Variants in ARHGEF9 observed in about 807,000 individuals in gnomAD.
ARHGEF9 encodes the protein Cdc42 guanine nucleotide exchange factor 9.
In ARHGEF9, 2 loss-of-function variants were observed where a neutral mutation model predicts 41.3. That is an observed-to-expected ratio of 0.05 (90% CI 0.02 to 0.15). The LOEUF is 0.15. Among genes scored for constraint, ARHGEF9 ranks in the 10% least tolerant of loss-of-function variants. The probability of loss-of-function intolerance (pLI) is 1.00; values close to 1 mark genes in which losing one functional copy is unlikely to be tolerated. For synonymous variants in ARHGEF9, 160 were observed against 154.4 expected (o/e 1.04, Z -0.27); for missense variants, 225 against 424.7 (o/e 0.53, Z 4.13).
chrX:63,699,961 T>C (rs782340992), intron 3 of ARHGEF9, among the ~76,000 whole-genome samples: 4 of 112,265 alleles, frequency 3.6e-5, no homozygotes, highest in African/African-American at 1.3e-4. Context: ...TTCTGGCTGG[T>C]TTTTGTTCCT....
intron 1 of ARHGEF9, among the ~76,000 whole-genome samples, chrX:63,778,513 G>T (rs2056330459): frequency 8.9e-6 from 1 of 112,422 alleles, no homozygotes; most frequent in Admixed American, 9.4e-5. Context: ...TCTGCAGCCA[G>T]CTTCAATTTC....
intron 1 of ARHGEF9, among the ~76,000 whole-genome samples, chrX:63,756,705 T>C (rs1362183189): frequency 1.8e-5 from 2 of 112,474 alleles, no homozygotes; most frequent in Non-Finnish European, 3.8e-5. Context: ...TTATAGCAAG[T>C]AATAGTCAAA....
At position 63,738,226 on chromosome X, in the gene ARHGEF9, C is replaced by T. The variant is rs1454352582; in HGVS notation, c.31-13515G>A. Reference sequence around the variant, plus strand: ...ACAGAACAATATGTGTTGTATATTACCATAAAAAAGAGAAAGAGGAATATA... The same window carrying T: ...ACAGAACAATATGTGTTGTATATTATCATAAAAAAGAGAAAGAGGAATATA... On this transcript the variant is annotated intron_variant, in intron 1 of 9. Transcript: ENST00000671741. 1.3e-4 allele frequency among the ~76,000 whole-genome samples: 15 copies of T among 111,396 alleles called. No individual in the cohort carries two copies. The East Asian group carries it at 3.4e-3, about 25-fold the overall frequency.
chrX:63,692,510 T>C (rs2051420156), intron 4 of ARHGEF9, among the ~76,000 whole-genome samples: 1 of 112,228 alleles, frequency 8.9e-6, no homozygotes, highest in South Asian at 3.7e-4. Context: ...CACAAGGACA[T>C]ATCATCTCAC....
At chrX:63,658,683 ATAAACT>A (rs1200578994) in intron 7 of ARHGEF9, among the ~76,000 whole-genome samples, 1 of 111,979 alleles carries the variant, frequency 8.9e-6, no homozygotes, top group African/African-American at 3.2e-5. Flanking sequence ...CCCTCTTTTG[ATAAACT>A]TAAAGGAAAA....
intron 1 of ARHGEF9, among the ~76,000 whole-genome samples, chrX:63,766,294 G>A (rs2147807976): frequency 8.9e-6 from 1 of 111,868 alleles, no homozygotes; most frequent in South Asian, 3.8e-4. Flanking sequence ...AATGGAGGGA[G>A]GGAGAAAGGC....
At chrX:63,707,993 C>A (rs782389560) in intron 2 of ARHGEF9, among the ~76,000 whole-genome samples, 3 of 111,955 alleles carry the variant, frequency 2.7e-5, no homozygotes, top group Non-Finnish European at 5.6e-5. Context: ...CAAAACCTAT[C>A]ACCCTCTGCA....
intron 1 of ARHGEF9, among the ~76,000 whole-genome samples, chrX:63,775,594 G>C (rs2056280263): frequency 8.9e-6 from 1 of 112,088 alleles, no homozygotes; most frequent in South Asian, 3.7e-4. Flanking sequence ...AGTACTGCAT[G>C]TTCTCACTTA....
At chrX:63,767,127 G>A (rs1281555468) in intron 1 of ARHGEF9, 1 of 942,013 alleles carries the variant, frequency 1.1e-6, no homozygotes, top group East Asian at 3.1e-5. Flanking sequence ...CACCATTACA[G>A]GCCATGCTGT....
chrX:63,644,207 T>C (rs1556309891), intron 8 of ARHGEF9, 159 bp from the exon 9 acceptor site: 1 of 398,843 alleles, frequency 2.5e-6, no homozygotes. Context: ...CAGTAATTTC[T>C]AGGAATTTCA....
chrX:63,766,893 G>A (rs1556452084), intron 1 of ARHGEF9: 1 of 385,218 alleles, frequency 2.6e-6, no homozygotes, highest in African/African-American at 2.6e-5. Flanking sequence ...AACAATCATG[G>A]GCCAGGAAAA....
chrX:63,704,971 C>CAA (rs1556399875), intron 3 of ARHGEF9, among the ~76,000 whole-genome samples: 4 of 112,292 alleles, frequency 3.6e-5, no homozygotes, highest in African/African-American at 1.3e-4. Context: ...CTTGGTGTTT[C>CAA]CAGAGCTATA....
intron 8 of ARHGEF9, among the ~76,000 whole-genome samples, chrX:63,647,903 T>G (rs1442726961): frequency 3.6e-5 from 4 of 111,163 alleles, no homozygotes; most frequent in Non-Finnish European, 7.5e-5. Flanking sequence ...TTGCCTCAAT[T>G]TTAGAGCCTG....
At chrX:63,699,744 A>T (rs1328037153) in intron 3 of ARHGEF9, among the ~76,000 whole-genome samples, 4 of 112,109 alleles carry the variant, frequency 3.6e-5, no homozygotes, top group Non-Finnish European at 7.5e-5. Context: ...ATTCTGGTAC[A>T]TTTAGCTTGA....
intron 1 of ARHGEF9, chrX:63,767,197 T>C: frequency 1.5e-6 from 1 of 656,431 alleles, no homozygotes; most frequent in Non-Finnish European, 2.5e-6. Flanking sequence ...GCAGTTTGGC[T>C]AGTTTAAGGA....
At chrX:63,784,449 C>G (rs1556464075) in intron 1 of ARHGEF9, among the ~76,000 whole-genome samples, 1 of 112,678 alleles carries the variant, frequency 8.9e-6, no homozygotes, top group Non-Finnish European at 1.9e-5. Context: ...GCTCTGTTAA[C>G]TGACTGTGGC....
At chrX:63,659,055 G>A (rs189294152) in intron 7 of ARHGEF9, among the ~76,000 whole-genome samples, 30 of 112,512 alleles carry the variant, frequency 2.7e-4, no homozygotes, top group African/African-American at 9.0e-4. Flanking sequence ...TGAAGGCCCT[G>A]ACATACCACA....
In ARHGEF9 at chrX:63,681,259, T is replaced by G. The variant is rs1323344042; in HGVS notation, c.583-2687A>C. Reference sequence around the variant, plus strand: ...TAGGGATTCTAGTCTCACTACCACATGTTACCAAAGCTGACCCACGCAGAC... The same window carrying G: ...TAGGGATTCTAGTCTCACTACCACAGGTTACCAAAGCTGACCCACGCAGAC... On this transcript the variant is annotated intron_variant, in intron 4 of 9. Transcript: ENST00000671741. Among the ~76,000 whole-genome samples the G allele has an allele frequency of 2.7e-5, 3 of 111,984 alleles. No homozygotes were observed. In the East Asian group the frequency reaches 8.4e-4, roughly 31 times the overall value.
At chrX:63,754,346 A>T (rs782494419) in intron 1 of ARHGEF9, 24 of 1,207,182 alleles carry the variant, frequency 2.0e-5, no homozygotes, top group Non-Finnish European at 2.7e-5. Context: ...GAAGCTCAAA[A>T]CGTTTTCCCC....
Sources: allele counts gnomAD v4.1 joint callset (sites outside exome capture counted in the v4.1 genomes callset), GRCh38; gene constraint gnomAD v4.1.1; transcripts MANE v1.5; gene names NCBI Gene and HGNC (gene_info 2026-07-23, HGNC 2026-07-21).